The following MBOAT1 variants were observed in gnomAD, a reference collection of about 807,000 sequenced individuals.
MBOAT1 encodes membrane-bound glycerophospholipid O-acyltransferase 1.
A neutral mutation model predicts 64.4 loss-of-function variants in MBOAT1; 67 were observed. The ratio of observed to expected loss-of-function variants is 1.04; its 90% CI spans 0.85 to 1.27. MBOAT1 has a LOEUF of 1.27. Among genes scored for constraint, MBOAT1 ranks in the 50% most tolerant of loss-of-function variants. The pLI is 0.00. For missense variants in MBOAT1, 563 were observed against 604.6 expected, an observed-to-expected ratio of 0.93 and a Z score of 0.72; for synonymous variants, 229 against 218.9, an observed-to-expected ratio of 1.05 and a Z score of -0.41.
intron 8 of MBOAT1, among the ~76,000 whole-genome samples, chr6:20,120,058 T>TATA (rs934147576): frequency 1.3e-5 from 2 of 151,892 alleles, no homozygotes; most frequent in African/African-American, 4.8e-5. Flanking sequence ...GGACTCTATA[T>TATA]AATACTTTAC....
At chr6:20,149,241 T>C (rs1761420983) in intron 3 of MBOAT1, among the ~76,000 whole-genome samples, 2 of 152,038 alleles carry the variant, frequency 1.3e-5, no homozygotes, top group African/African-American at 4.8e-5. Flanking sequence ...ACCACATGGC[T>C]CTGCCAAGGC....
At chr6:20,125,973 A>G (rs1014152736) in intron 7 of MBOAT1, 4 of 351,526 alleles carry the variant, frequency 1.1e-5, no homozygotes, top group African/African-American at 2.2e-5. Flanking sequence ...TTATTCTAAT[A>G]TTGACTAATT....
Position 20,126,694 on chromosome 6 carries a change from T to C in MBOAT1, c.537A>G (p.Lys179=). 6.2e-7 allele frequency: 1 copy of C among 1,603,086 alleles called. No individual in the cohort carries two copies. The highest frequency in any genetic ancestry group is 1.7e-4 in the Middle Eastern group (1 of 6,036). ...AACTTAAGTATTCCAAAAAAGAGGGTTTCACTCTGTGAAAATAAAGTAAAT... is the reference window on the plus strand; with the variant it reads ...AACTTAAGTATTCCAAAAAAGAGGGCTTCACTCTGTGAAAATAAAGTAAAT... ...AEQHRLAIKV[K]PSFLEYLSYL... Residue 179 remains lysine, a synonymous_variant, in exon 7 of 13, where the codon AAA becomes AAG. Transcript: ENST00000324607.
At chr6:20,196,774 T>A (rs1382048156) in intron 1 of MBOAT1, among the ~76,000 whole-genome samples, 1 of 151,630 alleles carries the variant, frequency 6.6e-6, no homozygotes, top group Non-Finnish European at 1.5e-5. Context: ...GGCAGGAGAA[T>A]CACTTGAACC....
intron 12 of MBOAT1, among the ~76,000 whole-genome samples, chr6:20,106,806 G>T (rs189366568): frequency 2.0e-5 from 3 of 152,176 alleles, no homozygotes; most frequent in African/African-American, 7.2e-5. Context: ...AATATCCTAG[G>T]TTGGATCATC....
chr6:20,197,049 T>C (rs1303245465), intron 1 of MBOAT1, among the ~76,000 whole-genome samples: 1 of 152,188 alleles, frequency 6.6e-6, no homozygotes, highest in Non-Finnish European at 1.5e-5. Context: ...TATACCATAG[T>C]TATGTAAGAT....
rs150366359 is a variant in MBOAT1, at chr6:20,186,514, T to C, written c.99+25622A>G. Reference sequence around the variant, plus strand: ...ATCTTATGTAGAATGGAGAAGAAACTGTTGCCTTGTACCACGTTGACTAGC... The same window carrying C: ...ATCTTATGTAGAATGGAGAAGAAACCGTTGCCTTGTACCACGTTGACTAGC... On this transcript the variant is annotated intron_variant, in intron 1 of 12. Coordinates refer to ENST00000324607, the MANE Select transcript of MBOAT1 (RefSeq NM_001080480.3). Among the ~76,000 whole-genome samples, 728 of 152,286 alleles carry C rather than the reference T, an allele frequency of 4.8e-3. 1 individual carries two copies. Among genetic ancestry groups the C allele is most frequent in the African/African-American group, 0.016 (674 of 41,572 alleles).
At chr6:20,161,789 C>T (rs904066637) in intron 1 of MBOAT1, among the ~76,000 whole-genome samples, 1 of 152,218 alleles carries the variant, frequency 6.6e-6, no homozygotes, top group Admixed American at 6.5e-5. Context: ...TCCCAACATT[C>T]TCCCCAGAAA....
At chr6:20,192,219 C>T (rs1223226123) in intron 1 of MBOAT1, among the ~76,000 whole-genome samples, 1 of 152,046 alleles carries the variant, frequency 6.6e-6, no homozygotes, top group African/African-American at 2.4e-5. Context: ...ATTAGATTTC[C>T]ACCCTCCCAT....
At chr6:20,197,453 G>A (rs922579190) in intron 1 of MBOAT1, among the ~76,000 whole-genome samples, 3 of 152,252 alleles carry the variant, frequency 2.0e-5, no homozygotes, top group South Asian at 2.1e-4. Context: ...CTCTGCCCAC[G>A]TGACACAAAT....
rs16883394 is a variant in MBOAT1, at chr6:20,123,438, C to T, written c.907+970G>A. On this transcript the variant is annotated intron_variant, in intron 8 of 12. Coordinates refer to ENST00000324607, the MANE Select transcript of MBOAT1 (RefSeq NM_001080480.3). Reference sequence around the variant, plus strand: ...TCCGTACTTTATCAACACCCTTTCCCAGTCTCTAAGTATACAGATGGGTTT... The same window carrying T: ...TCCGTACTTTATCAACACCCTTTCCTAGTCTCTAAGTATACAGATGGGTTT... Among the ~76,000 whole-genome samples, 696 of 152,302 alleles carry T rather than the reference C, an allele frequency of 4.6e-3. 8 individuals are homozygous for T. Among genetic ancestry groups the T allele is most frequent in the African/African-American group, 0.016 (676 of 41,572 alleles).
Position 20,212,291 on chromosome 6 carries a change from C to A in MBOAT1, c.-57G>T. On this transcript the variant is annotated 5_prime_UTR_variant, in exon 1 of 13. Coordinates refer to ENST00000324607, the MANE Select transcript of MBOAT1 (RefSeq NM_001080480.3). ...CCAGCCCGCAACACCCCCTGCTCGG[C>A]GTCCTCCCGCCCGGGTGCTCTTGGG... 1.3e-6 allele frequency: 2 copies of A among 1,515,346 alleles called. No individual in the cohort carries two copies. Among genetic ancestry groups the A allele is most frequent in the Non-Finnish European group, 1.8e-6 (2 of 1,112,574 alleles). 93.9% of individuals were successfully genotyped at this position (1,515,346 alleles called of 1,614,324 possible).
chr6:20,109,660 A>G lies in MBOAT1; in HGVS notation c.1299T>C (p.Ala433=). 2 of 1,614,214 alleles carry G rather than the reference A, an allele frequency of 1.2e-6. No homozygotes were observed. Among genetic ancestry groups the G allele is most frequent in the East Asian group, 2.2e-5 (1 of 44,880 alleles). ...DAGTWAVTQL[A]VSYTVAPFVM... is the part of the protein sequence containing the mutation. ...CAAAGGGTGCTACCGTGTAAGAGAC[A>G]GCCAGCTGAGTGACGGCCCAGGTGC... The change falls in exon 12 of 13, where the codon GCT becomes GCC. Residue 433 remains alanine (A), a synonymous_variant. Coordinates refer to ENST00000324607, the MANE Select transcript of MBOAT1 (RefSeq NM_001080480.3).
intron 1 of MBOAT1, among the ~76,000 whole-genome samples, chr6:20,200,020 T>C (rs983710434): frequency 6.6e-6 from 1 of 152,208 alleles, no homozygotes; most frequent in African/African-American, 2.4e-5. Flanking sequence ...ATTTATTGTA[T>C]GGGGACAATG....
intron 6 of MBOAT1, 104 bp downstream of exon 6, chr6:20,128,583 AATAAATGATATT>A (rs1218176813): frequency 6.9e-6 from 5 of 724,632 alleles, no homozygotes; most frequent in Non-Finnish European, 1.1e-5. Flanking sequence ...AGATTCATAA[AATAAATGATATT>A]ATATCCATAG....
At chr6:20,140,931 A>G (rs535548720) in intron 4 of MBOAT1, among the ~76,000 whole-genome samples, 2 of 152,262 alleles carry the variant, frequency 1.3e-5, no homozygotes, top group African/African-American at 4.8e-5. Context: ...GCCGCCAGCT[A>G]CAAACACTCT....
At position 20,145,242 on chromosome 6, in the gene MBOAT1, C is replaced by T. The variant is rs531963749; in HGVS notation, c.324-927G>A. The stretch of plus-strand genomic sequence containing the variant: ...GACCCCAGAGAGCACTCACTTTGTG[C>T]TATGTGAGGATACAAGAAGACGGCA... On this transcript the variant is annotated intron_variant, in intron 3 of 12. Transcript: ENST00000324607. Among the ~76,000 whole-genome samples the T allele has an allele frequency of 3.3e-5, 5 of 151,874 alleles. No individual in the cohort carries two copies. In the South Asian group the frequency reaches 1.0e-3, roughly 32 times the overall value.
At chr6:20,172,201 G>A (rs2113727588) in intron 1 of MBOAT1, among the ~76,000 whole-genome samples, 1 of 152,292 alleles carries the variant, frequency 6.6e-6, no homozygotes, top group Non-Finnish European at 1.5e-5. Context: ...TTGGGAGGCT[G>A]AGGCAGGCGG....
chr6:20,134,534 CAT>C (rs545552141), intron 4 of MBOAT1, among the ~76,000 whole-genome samples: 96 of 152,260 alleles, frequency 6.3e-4, no homozygotes, highest in African/African-American at 2.1e-3. Flanking sequence ...CACATACTCA[CAT>C]ATGACAGTGA....
Sources: gnomAD v4.1 joint callset for allele counts (sites outside exome capture counted in the v4.1 genomes callset) on GRCh38, gnomAD v4.1.1 for gene constraint, MANE v1.5 for transcripts, NCBI Gene and HGNC (gene_info 2026-07-23, HGNC 2026-07-21) for gene names.